MPP7: variants seen among roughly 807,000 people sequenced by gnomAD.
MPP7 encodes MAGUK p55 scaffold protein 7.
A neutral mutation model predicts 76.5 loss-of-function variants in MPP7; 60 were observed. The observed-to-expected ratio is 0.78, with a 90% CI of 0.64 to 0.97. The LOEUF (loss-of-function observed/expected upper bound fraction) is 0.97, where lower values mean the gene tolerates loss of function less well. Among genes scored for constraint, MPP7 ranks in the 50% least tolerant of loss-of-function variants. MPP7 has a pLI of 0.00. For synonymous variants in MPP7, 237 were observed against 244.5 expected (o/e 0.97, Z 0.29); for missense variants, 641 against 694.0 (o/e 0.92, Z 0.86).
chr10:28,277,493 C>A (rs893695903), intron 1 of MPP7, among the ~76,000 whole-genome samples: 1 of 151,954 alleles, frequency 6.6e-6, no homozygotes, highest in Admixed American at 6.5e-5. Flanking sequence ...GGGCTGCATG[C>A]GGCCCATGGG....
intron 1 of MPP7, among the ~76,000 whole-genome samples, chr10:28,293,657 CCT>C (rs1283556481): frequency 1.3e-5 from 2 of 152,170 alleles, no homozygotes; most frequent in Non-Finnish European, 1.5e-5. Context: ...AGTCCGAGCC[CCT>C]GAGCTGGGGA....
At chr10:28,294,998 G>A (rs577425846) in intron 1 of MPP7, among the ~76,000 whole-genome samples, 67 of 152,266 alleles carry the variant, frequency 4.4e-4, no homozygotes, top group Admixed American at 3.3e-4. Flanking sequence ...TGCAGTGGCT[G>A]TAGCACATGG....
chr10:28,234,591 T>C (rs890386921), intron 2 of MPP7, among the ~76,000 whole-genome samples: 1 of 152,046 alleles, frequency 6.6e-6, no homozygotes, highest in Non-Finnish European at 1.5e-5. Context: ...ATAAATCGAG[T>C]TGACAGAATA....
At chr10:28,261,148 C>T (rs1262422785) in intron 1 of MPP7, among the ~76,000 whole-genome samples, 1 of 152,148 alleles carries the variant, frequency 6.6e-6, no homozygotes, top group Admixed American at 6.5e-5. Flanking sequence ...CAGAATTAAC[C>T]ATTTTGGCAG....
At chr10:28,176,245 A>G (rs1034062021) in intron 3 of MPP7, among the ~76,000 whole-genome samples, 7 of 152,070 alleles carry the variant, frequency 4.6e-5, no homozygotes, top group African/African-American at 1.7e-4. Context: ...AATCTACCTT[A>G]AAATATACAG....
chr10:28,257,486 A>G (rs1839821060), intron 1 of MPP7, among the ~76,000 whole-genome samples: 1 of 151,156 alleles, frequency 6.6e-6, no homozygotes, highest in African/African-American at 2.4e-5. Context: ...TCAGTAAACT[A>G]TCGCAAGAAC....
chr10:28,222,636 A>G (rs931272867), intron 2 of MPP7, among the ~76,000 whole-genome samples: 1 of 152,034 alleles, frequency 6.6e-6, no homozygotes, highest in Non-Finnish European at 1.5e-5. Context: ...GGCGGTCACG[A>G]GGTCAGGAGA....
At chr10:28,285,930 T>C (rs1169599911) in intron 1 of MPP7, among the ~76,000 whole-genome samples, 1 of 152,176 alleles carries the variant, frequency 6.6e-6, no homozygotes, top group Non-Finnish European at 1.5e-5. Context: ...TTTGTGATTA[T>C]CTTCATCTTA....
At chr10:28,247,821 A>G (rs1839486870) in intron 1 of MPP7, among the ~76,000 whole-genome samples, 1 of 152,224 alleles carries the variant, frequency 6.6e-6, no homozygotes, top group Non-Finnish European at 1.5e-5. Flanking sequence ...ATTTGAAGTC[A>G]GCTATACCCA....
At chr10:28,204,447 A>AAG (rs1484126734) in intron 2 of MPP7, among the ~76,000 whole-genome samples, 2 of 151,718 alleles carry the variant, frequency 1.3e-5, no homozygotes, top group Non-Finnish European at 2.9e-5. Flanking sequence ...CGTCTCAAAA[A>AAG]AAAAAAAAAA....
intron 1 of MPP7, among the ~76,000 whole-genome samples, chr10:28,289,862 A>G (rs1190182186): frequency 6.6e-6 from 1 of 152,232 alleles, no homozygotes; most frequent in Admixed American, 6.5e-5. Flanking sequence ...GCTGTCACCC[A>G]GGCTGGAGTA....
At chr10:28,275,829 T>C (rs1245953510) in intron 1 of MPP7, among the ~76,000 whole-genome samples, 2 of 151,970 alleles carry the variant, frequency 1.3e-5, no homozygotes, top group African/African-American at 2.4e-5. Flanking sequence ...ACAGAGCCAT[T>C]ATGATAGGTC....
At chr10:28,128,001 T>TG (rs1835073634) in intron 6 of MPP7, among the ~76,000 whole-genome samples, 1 of 152,150 alleles carries the variant, frequency 6.6e-6, no homozygotes, top group South Asian at 2.1e-4. Context: ...AGGCAGCCTG[T>TG]GTGGCTGGAG....
chr10:28,234,099 C>A (rs1838988052), intron 2 of MPP7, among the ~76,000 whole-genome samples: 1 of 152,120 alleles, frequency 6.6e-6, no homozygotes, highest in South Asian at 2.1e-4. Flanking sequence ...GGAACTAGAG[C>A]CCCTTAGAGA....
intron 11 of MPP7, among the ~76,000 whole-genome samples, chr10:28,105,085 T>C (rs7074450): frequency 0.99 from 146,904 of 148,234 alleles, 72,797 homozygotes; most frequent in East Asian, 1. Context: ...ACCAGGGAGT[T>C]GGAGGTTGCA....
At chr10:28,147,390 A>T in intron 5 of MPP7, 93 bp downstream of exon 5, 1 of 923,412 alleles carries the variant, frequency 1.1e-6, no homozygotes, top group Non-Finnish European at 1.8e-6. Flanking sequence ...AAATACATTT[A>T]CTTGAGAATT....
intron 1 of MPP7, among the ~76,000 whole-genome samples, chr10:28,255,054 CTGT>C (rs1294635272): frequency 1.3e-5 from 2 of 152,182 alleles, no homozygotes; most frequent in Admixed American, 1.3e-4. Context: ...GCATTTTCCC[CTGT>C]TGTTCTCTAA....
chr10:28,203,904 TA>T (rs1837862542), intron 2 of MPP7, among the ~76,000 whole-genome samples: 1 of 152,224 alleles, frequency 6.6e-6, no homozygotes, highest in South Asian at 2.1e-4. Flanking sequence ...AATGACTCAA[TA>T]CCTTAGAACA....
intron 5 of MPP7, among the ~76,000 whole-genome samples, chr10:28,137,852 C>G (rs1269050569): frequency 6.6e-6 from 1 of 152,180 alleles, no homozygotes; most frequent in Non-Finnish European, 1.5e-5. Flanking sequence ...GGCCTTGTAA[C>G]TCATCAGACT....
Sources: gnomAD v4.1 joint callset for allele counts (sites outside exome capture counted in the v4.1 genomes callset) on GRCh38, gnomAD v4.1.1 for gene constraint, MANE v1.5 for transcripts, NCBI Gene and HGNC (gene_info 2026-07-23, HGNC 2026-07-21) for gene names.